PBLD: variants seen among roughly 807,000 people sequenced by gnomAD.
The protein encoded by PBLD is phenazine biosynthesis-like domain-containing protein.
Under a neutral mutation model 31.3 loss-of-function variants are expected in PBLD, and 26 were observed. That is an observed-to-expected ratio of 0.83 (90% CI 0.61 to 1.15). The LOEUF (loss-of-function observed/expected upper bound fraction) is 1.15, where lower values mean the gene tolerates loss of function less well. PBLD is among the 50% of genes most tolerant of loss of function. The pLI is 0.00. For synonymous variants in PBLD, 114 were observed against 129.0 expected (o/e 0.88, Z 0.79); for missense variants, 307 against 351.7 (o/e 0.87, Z 1.02).
chr10:68,310,895 A>G (rs185970263), intron 1 of PBLD, among the ~76,000 whole-genome samples: 1 of 152,246 alleles, frequency 6.6e-6, no homozygotes, highest in African/African-American at 2.4e-5. Context: ...ATAAGCTGAA[A>G]ATGCATTTAA....
chr10:68,323,528 C>A (rs1183562732), intron 1 of PBLD, among the ~76,000 whole-genome samples: 1 of 152,098 alleles, frequency 6.6e-6, no homozygotes, highest in Admixed American at 6.6e-5. Context: ...CCACTGCACT[C>A]CAGCCTGAGG....
intron 1 of PBLD, among the ~76,000 whole-genome samples, chr10:68,330,238 G>A (rs1589681165): frequency 6.6e-6 from 1 of 152,014 alleles, no homozygotes; most frequent in South Asian, 2.1e-4. Context: ...TCTTAAGCAG[G>A]TTTGAGGATG....
In PBLD at chr10:68,332,354, G is replaced by T. The variant is rs994107196; in HGVS notation, c.-60+430C>A. ...GGAGGCCGCCGCTTGGAAGCGGCGG[G>T]GCTGCGCCTCCCCGACCATCTCCCA... On this transcript the variant is annotated intron_variant, in intron 1 of 9. Transcript: ENST00000358769. 2.6e-5 allele frequency: 4 copies of T among 152,180 alleles called. No individual in the cohort carries two copies. The East Asian group carries it at 7.7e-4, about 29-fold the overall frequency. The allele number at this position is 152,180 out of a possible 1,614,324, so 9.4% of individuals were successfully genotyped here.
intron 8 of PBLD, 132 bp from the exon 9 acceptor site, chr10:68,285,542 A>G (rs2044276004): frequency 1.6e-6 from 2 of 1,255,466 alleles, no homozygotes; most frequent in African/African-American, 3.0e-5. Flanking sequence ...TATGTTGGCC[A>G]GGCCACAGCA....
At chr10:68,330,856 GT>G (rs2045049204) in intron 1 of PBLD, among the ~76,000 whole-genome samples, 2 of 151,906 alleles carry the variant, frequency 1.3e-5, no homozygotes, top group African/African-American at 4.8e-5. Context: ...GAAATTCGGG[GT>G]TTTTCTTTGT....
intron 1 of PBLD, among the ~76,000 whole-genome samples, chr10:68,312,383 G>A (rs2044680854): frequency 6.6e-6 from 1 of 152,076 alleles, no homozygotes; most frequent in Non-Finnish European, 1.5e-5. Flanking sequence ...TCATTCAACA[G>A]GAGTTAAGTG....
chr10:68,297,258 T>C, intron 2 of PBLD: 2 of 451,786 alleles, frequency 4.4e-6, no homozygotes, highest in Non-Finnish European at 4.0e-6. Flanking sequence ...CACAGTAAGA[T>C]CTAGTCTAGC....
chr10:68,303,470 G>A (rs566688826), intron 2 of PBLD, among the ~76,000 whole-genome samples: 13 of 148,112 alleles, frequency 8.8e-5, no homozygotes, highest in Non-Finnish European at 1.6e-4. Context: ...AATGTATAGT[G>A]TTATATGTTG....
At chr10:68,295,703 G>C (rs2044417175) in intron 4 of PBLD, among the ~76,000 whole-genome samples, 2 of 152,204 alleles carry the variant, frequency 1.3e-5, no homozygotes, top group South Asian at 4.1e-4. Flanking sequence ...TATAATCCCA[G>C]CACTTTGGGA....
At chr10:68,286,736 T>C (rs1432968320) in intron 8 of PBLD, among the ~76,000 whole-genome samples, 1 of 152,124 alleles carries the variant, frequency 6.6e-6, no homozygotes, top group Non-Finnish European at 1.5e-5. Flanking sequence ...GTACTCTAGA[T>C]TTAGATCAGA....
At chr10:68,315,746 A>C (rs993142379) in intron 1 of PBLD, among the ~76,000 whole-genome samples, 1 of 152,186 alleles carries the variant, frequency 6.6e-6, no homozygotes, top group Non-Finnish European at 1.5e-5. Flanking sequence ...TTGTGCAAGC[A>C]GAAAGTGAAA....
chr10:68,324,732 A>C lies in PBLD; in HGVS notation c.-60+8052T>G, dbSNP rs188589597. 1.6e-3 allele frequency among the ~76,000 whole-genome samples: 240 copies of C among 152,014 alleles called. 2 individuals are homozygous for C. Among genetic ancestry groups the C allele is most frequent in the African/African-American group, 5.5e-3 (227 of 41,496 alleles). On this transcript the variant is annotated intron_variant, in intron 1 of 9. Transcript: ENST00000358769. ...CAGGCTCAAACGATTCTCCTGCCTCAGCCTCCCAAGTAGCTGAGATTACAG... is the reference window on the plus strand; with the variant it reads ...CAGGCTCAAACGATTCTCCTGCCTCCGCCTCCCAAGTAGCTGAGATTACAG...
At chr10:68,286,215 G>A (rs1157936065) in intron 8 of PBLD, among the ~76,000 whole-genome samples, 2 of 148,938 alleles carry the variant, frequency 1.3e-5, no homozygotes, top group Non-Finnish European at 3.0e-5. Context: ...AGCCTCCTGA[G>A]TAGCTGGGAT....
rs1160622250 is a variant in PBLD at position 68,284,250 on chromosome 10, G to C, written c.794C>G (p.Ser265Cys). 5.6e-6 allele frequency: 9 copies of C among 1,614,086 alleles called. No homozygotes were observed. The highest frequency in any genetic ancestry group is 6.8e-6 in the Non-Finnish European group (8 of 1,180,000). The change falls in exon 10 of 10, where the codon TCC becomes TGC. Residue 265 changes from serine (S) to cysteine (C), a missense_variant. Ser to Cys is a moderately radical substitution (Grantham distance 112, BLOSUM62 -1). Transcript: ENST00000358769. Reference sequence around the variant, plus strand: ...GTCAACCCTTCCGTCTGGACGAAGGGAAATTCCCAGCTCTCCTCCTCGGTG... The same window carrying C: ...GTCAACCCTTCCGTCTGGACGAAGGCAAATTCCCAGCTCTCCTCCTCGGTG... Reference protein sequence around the residue: ...CSHRGGELGISLRPDGRVDIR... With the variant: ...CSHRGGELGICLRPDGRVDIR...
intron 2 of PBLD, among the ~76,000 whole-genome samples, chr10:68,302,240 G>A (rs981982479): frequency 6.6e-6 from 1 of 152,194 alleles, no homozygotes; most frequent in African/African-American, 2.4e-5. Flanking sequence ...GCCATCTCAT[G>A]TGAATCAAAT....
chr10:68,319,053 G>GAA (rs1554860579), intron 1 of PBLD, among the ~76,000 whole-genome samples: 27 of 98,892 alleles, frequency 2.7e-4, no homozygotes, highest in East Asian at 1.8e-3. Context: ...AAGAAAGAGA[G>GAA]AGAAAGAAAG....
chr10:68,301,171 C>A (rs918157711), intron 2 of PBLD, among the ~76,000 whole-genome samples: 12 of 152,176 alleles, frequency 7.9e-5, no homozygotes, highest in Admixed American at 1.3e-4. Flanking sequence ...GCTGAGATTA[C>A]AGGCATGAGC....
intron 1 of PBLD, among the ~76,000 whole-genome samples, chr10:68,323,991 T>C (rs1341853672): frequency 1.3e-5 from 2 of 152,156 alleles, no homozygotes; most frequent in African/African-American, 4.8e-5. Context: ...GTACATGGCA[T>C]CTCAAAATCA....
chr10:68,301,242 T>C (rs1005979051), intron 2 of PBLD, among the ~76,000 whole-genome samples: 1 of 152,134 alleles, frequency 6.6e-6, no homozygotes, highest in Non-Finnish European at 1.5e-5. Context: ...ATGGACACTC[T>C]AGAATTCTAG....
Sources: gnomAD v4.1 joint callset for allele counts (sites outside exome capture counted in the v4.1 genomes callset) on GRCh38, gnomAD v4.1.1 for gene constraint, MANE v1.5 for transcripts, NCBI Gene and HGNC (gene_info 2026-07-23, HGNC 2026-07-21) for gene names.